SLC35F1: variants seen among roughly 807,000 people sequenced by gnomAD.
SLC35F1 encodes the protein chromosome 6 open reading frame 169.
A neutral mutation model predicts 48.7 loss-of-function variants in SLC35F1; 14 were observed. The observed-to-expected ratio is 0.29, with a 90% CI of 0.19 to 0.45. SLC35F1 has a LOEUF of 0.45. Among genes scored for constraint, SLC35F1 ranks in the 20% least tolerant of loss-of-function variants. The pLI, the probability that SLC35F1 is intolerant of heterozygous loss-of-function variation, is 1.00. For synonymous variants in SLC35F1, 190 were observed against 202.2 expected, an observed-to-expected ratio of 0.94 and a Z score of 0.51; for missense variants, 404 against 500.0, an observed-to-expected ratio of 0.81 and a Z score of 1.83.
intron 1 of SLC35F1, among the ~76,000 whole-genome samples, chr6:117,928,640 T>A (rs1366033014): frequency 6.6e-6 from 1 of 152,208 alleles, no homozygotes; most frequent in Non-Finnish European, 1.5e-5. Context: ...ATATAAGCCA[T>A]AGATACTAGT....
At chr6:118,076,242 A>G (rs949531666) in intron 1 of SLC35F1, among the ~76,000 whole-genome samples, 1 of 152,208 alleles carries the variant, frequency 6.6e-6, no homozygotes, top group African/African-American at 2.4e-5. Flanking sequence ...TTGATGCTTA[A>G]TGTTTACATT....
At chr6:118,001,315 T>A (rs1777090642) in intron 1 of SLC35F1, among the ~76,000 whole-genome samples, 2 of 152,150 alleles carry the variant, frequency 1.3e-5, no homozygotes, top group African/African-American at 2.4e-5. Context: ...AACTATCTGA[T>A]CTTTGACAAA....
chr6:118,007,351 A>G (rs866309736), intron 1 of SLC35F1, among the ~76,000 whole-genome samples: 3 of 152,226 alleles, frequency 2.0e-5, no homozygotes, highest in Middle Eastern at 3.4e-3. Context: ...AAATTTTAAC[A>G]TGAGTTTTGG....
At chr6:118,124,543 G>T (rs770891701) in intron 1 of SLC35F1, among the ~76,000 whole-genome samples, 1 of 152,122 alleles carries the variant, frequency 6.6e-6, no homozygotes, top group Non-Finnish European at 1.5e-5. Flanking sequence ...AACAAGAAGA[G>T]GACCCAAGAT....
intron 2 of SLC35F1, among the ~76,000 whole-genome samples, chr6:118,186,197 C>T (rs1431673452): frequency 6.6e-6 from 1 of 152,072 alleles, no homozygotes; most frequent in Non-Finnish European, 1.5e-5. Context: ...GAGTCAACCT[C>T]ATTGTGTGTC....
rs115855865 is a variant in SLC35F1, at chr6:118,086,408, T to C, written c.174-68037T>C. Among the ~76,000 whole-genome samples, 730 of 152,332 alleles carry C rather than the reference T, an allele frequency of 4.8e-3. 4 individuals carry two copies. Among genetic ancestry groups the C allele is most frequent in the African/African-American group, 0.017 (690 of 41,570 alleles). On this transcript the variant is annotated intron_variant, in intron 1 of 7. Transcript: ENST00000360388. ...TGCAGTTACCTCAAGATGTGATTTA[T>C]CGAGGTTAGGATACTTGAACTCACT...
chr6:117,971,076 C>T (rs756359008), intron 1 of SLC35F1, among the ~76,000 whole-genome samples: 17 of 152,136 alleles, frequency 1.1e-4, no homozygotes, highest in East Asian at 3.9e-4. Flanking sequence ...TCCACCTACG[C>T]GCCTGTAAAA....
intron 1 of SLC35F1, among the ~76,000 whole-genome samples, chr6:117,934,828 C>T (rs573683180): frequency 3.9e-5 from 6 of 152,274 alleles, no homozygotes; most frequent in African/African-American, 7.2e-5. Flanking sequence ...CTCACTTGGC[C>T]GGGCATGGCA....
intron 7 of SLC35F1, among the ~76,000 whole-genome samples, chr6:118,295,174 T>C (rs896256612): frequency 2.0e-5 from 3 of 152,150 alleles, no homozygotes; most frequent in Admixed American, 6.5e-5. Flanking sequence ...GTGGTTGTTA[T>C]AAGAGATTTG....
intron 1 of SLC35F1, among the ~76,000 whole-genome samples, chr6:117,915,778 G>A (rs1433903246): frequency 6.6e-6 from 1 of 152,102 alleles, no homozygotes; most frequent in African/African-American, 2.4e-5. Flanking sequence ...TAGGACAAAA[G>A]GAGAAGGAAA....
intron 1 of SLC35F1, among the ~76,000 whole-genome samples, chr6:118,073,578 A>G (rs1354134512): frequency 2.0e-5 from 3 of 152,264 alleles, no homozygotes; most frequent in African/African-American, 7.2e-5. Context: ...TGCTGTCTAT[A>G]TACTTAGGTA....
At chr6:118,288,670 C>G (rs988123345) in intron 7 of SLC35F1, among the ~76,000 whole-genome samples, 7 of 152,108 alleles carry the variant, frequency 4.6e-5, no homozygotes, top group African/African-American at 1.7e-4. Flanking sequence ...TTGGCTCTTC[C>G]TGAATTCCAA....
chr6:117,994,265 C>G (rs1461150604), intron 1 of SLC35F1, among the ~76,000 whole-genome samples: 2 of 152,084 alleles, frequency 1.3e-5, no homozygotes, highest in African/African-American at 4.8e-5. Context: ...ATCTCTTTAA[C>G]TTTCCTTTCT....
At chr6:117,943,036 G>A (rs1562244299) in intron 1 of SLC35F1, among the ~76,000 whole-genome samples, 1 of 152,126 alleles carries the variant, frequency 6.6e-6, no homozygotes, top group Non-Finnish European at 1.5e-5. Context: ...ACAGTCAATA[G>A]TCAAGTGCCT....
intron 1 of SLC35F1, among the ~76,000 whole-genome samples, chr6:117,968,632 C>G (rs1038363338): frequency 6.6e-6 from 1 of 152,140 alleles, no homozygotes; most frequent in Non-Finnish European, 1.5e-5. Flanking sequence ...GTTGTATACT[C>G]AGAAGTGGTT....
At chr6:118,049,895 G>T (rs1772359870) in intron 1 of SLC35F1, among the ~76,000 whole-genome samples, 1 of 152,012 alleles carries the variant, frequency 6.6e-6, no homozygotes, top group African/African-American at 2.4e-5. Flanking sequence ...AAATCATGCT[G>T]CTATAAAGAC....
intron 7 of SLC35F1, among the ~76,000 whole-genome samples, chr6:118,290,898 G>C (rs1309944090): frequency 6.6e-6 from 1 of 151,396 alleles, no homozygotes. Context: ...AGGTTCAAGC[G>C]ATTCTCCTGC....
rs1166028302 is a variant in SLC35F1 at position 118,317,065 on chromosome 6, T to G, written c.*2813T>G. ...AACCTCAGTAGACACCAGCAAAATT[T>G]TCAGTTTCTAACTCCACCACCAATC... On this transcript the variant is annotated 3_prime_UTR_variant, in exon 8 of 8. Coordinates refer to ENST00000360388, the MANE Select transcript of SLC35F1 (RefSeq NM_001029858.4). 1 of 152,606 alleles carries G rather than the reference T, an allele frequency of 6.6e-6. No individual in the cohort carries two copies. Among genetic ancestry groups the G allele is most frequent in the Admixed American group, 6.5e-5 (1 of 15,278 alleles). 9.5% of individuals were successfully genotyped at this position (152,606 alleles called of 1,614,324 possible).
chr6:118,301,026 T>C (rs1434184558), intron 7 of SLC35F1, among the ~76,000 whole-genome samples: 1 of 152,150 alleles, frequency 6.6e-6, no homozygotes, highest in Non-Finnish European at 1.5e-5. Flanking sequence ...GTGTTTCCTT[T>C]GTGTTCCAAC....
Sources: gnomAD v4.1 joint callset for allele counts (sites outside exome capture counted in the v4.1 genomes callset) on GRCh38, gnomAD v4.1.1 for gene constraint, MANE v1.5 for transcripts, NCBI Gene and HGNC (gene_info 2026-07-23, HGNC 2026-07-21) for gene names.